The following CERS6 variants were observed in gnomAD, a reference collection of about 807,000 sequenced individuals.
The protein encoded by CERS6 is ceramide synthase 6, also known as LAG1 homolog, ceramide synthase 6.
Under a neutral mutation model 56.8 loss-of-function variants are expected in CERS6, and 26 were observed. The observed-to-expected ratio is 0.46, with a 90% CI of 0.34 to 0.63. The LOEUF (loss-of-function observed/expected upper bound fraction) is 0.63. Ranked by LOEUF, CERS6 falls within the 30% of genes least tolerant of loss-of-function variation. CERS6 has a pLI of 0.01. For missense variants in CERS6, 415 were observed against 467.5 expected (o/e 0.89, Z 1.04); for synonymous variants, 164 against 173.3 (o/e 0.95, Z 0.42).
chr2:168,665,952 C>CTG (rs58913968), intron 4 of CERS6, among the ~76,000 whole-genome samples: 4,754 of 143,168 alleles, frequency 0.033, 75 homozygotes, highest in African/African-American at 0.054. Context: ...AATTAGTAGA[C>CTG]TGTGTGTGTG....
At chr2:168,682,686 G>T (rs575362043) in intron 4 of CERS6, among the ~76,000 whole-genome samples, 1 of 152,138 alleles carries the variant, frequency 6.6e-6, no homozygotes, top group African/African-American at 2.4e-5. Flanking sequence ...TCACAATGGG[G>T]GGTGGGAGTT....
At chr2:168,496,535 C>T (rs1181811980) in intron 1 of CERS6, among the ~76,000 whole-genome samples, 1 of 152,160 alleles carries the variant, frequency 6.6e-6, no homozygotes, top group Admixed American at 6.6e-5. Context: ...GCACCTGGGA[C>T]ACCCGCACAC....
intron 1 of CERS6, among the ~76,000 whole-genome samples, chr2:168,491,675 A>G (rs1694376701): frequency 6.6e-6 from 1 of 152,100 alleles, no homozygotes; most frequent in Non-Finnish European, 1.5e-5. Flanking sequence ...ATACATGTGC[A>G]GAACGTGTAG....
intron 3 of CERS6, among the ~76,000 whole-genome samples, chr2:168,565,931 A>G (rs1389709021): frequency 6.6e-6 from 1 of 152,222 alleles, no homozygotes; most frequent in African/African-American, 2.4e-5. Flanking sequence ...GGTTGGGATT[A>G]TGCCTTTGGG....
At chr2:168,635,491 G>A (rs1684842304) in intron 4 of CERS6, among the ~76,000 whole-genome samples, 1 of 152,118 alleles carries the variant, frequency 6.6e-6, no homozygotes, top group African/African-American at 2.4e-5. Context: ...CCTTCCTCAA[G>A]TGCTTCTAAG....
intron 4 of CERS6, among the ~76,000 whole-genome samples, chr2:168,674,036 G>A (rs10930335): frequency 0.92 from 139,271 of 152,192 alleles, 63,756 homozygotes; most frequent in East Asian, 0.97. Flanking sequence ...GTCATGATTC[G>A]TACACCGTGA....
intron 4 of CERS6, among the ~76,000 whole-genome samples, chr2:168,654,221 G>C (rs13013426): frequency 0.17 from 26,134 of 152,092 alleles, 2,755 homozygotes; most frequent in South Asian, 0.4. Context: ...TGTCTGTCAT[G>C]AGGGCCTGTG....
intron 1 of CERS6, among the ~76,000 whole-genome samples, chr2:168,499,715 C>T (rs1344246109): frequency 1.3e-5 from 2 of 152,086 alleles, no homozygotes; most frequent in Non-Finnish European, 2.9e-5. Context: ...AATTTCTTGG[C>T]TCAATTTTTG....
chr2:168,725,568 C>A (rs1325159224), intron 8 of CERS6, among the ~76,000 whole-genome samples: 2 of 152,238 alleles, frequency 1.3e-5, no homozygotes, highest in Admixed American at 6.5e-5. Context: ...ATATCAATAT[C>A]TTTTTCAAAT....
intron 1 of CERS6, among the ~76,000 whole-genome samples, chr2:168,472,933 T>G (rs1239296532): frequency 6.6e-6 from 1 of 152,228 alleles, no homozygotes; most frequent in Non-Finnish European, 1.5e-5. Context: ...AATATTGGTT[T>G]GTGACATTGG....
chr2:168,687,398 A>G (rs931543856), intron 4 of CERS6, among the ~76,000 whole-genome samples: 1 of 152,210 alleles, frequency 6.6e-6, no homozygotes, highest in Non-Finnish European at 1.5e-5. Context: ...TACTACTTGC[A>G]AAGTGTGGTC....
intron 1 of CERS6, among the ~76,000 whole-genome samples, chr2:168,504,335 C>T (rs189299756): frequency 6.6e-6 from 1 of 151,856 alleles, no homozygotes; most frequent in East Asian, 1.9e-4. Context: ...TGCACCACTG[C>T]ACTCCAGTCT....
chr2:168,680,630 G>A (rs1686191260), intron 4 of CERS6, among the ~76,000 whole-genome samples: 1 of 137,558 alleles, frequency 7.3e-6, no homozygotes, highest in Non-Finnish European at 1.5e-5. Context: ...ATGATATTAA[G>A]AGGTGGGACC....
intron 8 of CERS6, among the ~76,000 whole-genome samples, chr2:168,741,430 G>A (rs1173725137): frequency 6.6e-6 from 1 of 151,370 alleles, no homozygotes; most frequent in Non-Finnish European, 1.5e-5. Flanking sequence ...TAGAGCAGGG[G>A]TGTCCAATCT....
intron 3 of CERS6, among the ~76,000 whole-genome samples, chr2:168,563,891 C>G (rs1357552337): frequency 2.0e-5 from 3 of 152,164 alleles, no homozygotes; most frequent in African/African-American, 7.2e-5. Flanking sequence ...TTGGGGTGCA[C>G]GGGGGGTTTG....
chr2:168,605,901 C>G (rs1179475157), intron 3 of CERS6, among the ~76,000 whole-genome samples: 2 of 152,190 alleles, frequency 1.3e-5, no homozygotes, highest in Non-Finnish European at 2.9e-5. Flanking sequence ...GGGACAGAGC[C>G]CTCATGGAGA....
At chr2:168,698,099 C>T (rs950522430) in intron 6 of CERS6, among the ~76,000 whole-genome samples, 1 of 151,976 alleles carries the variant, frequency 6.6e-6, no homozygotes, top group Non-Finnish European at 1.5e-5. Context: ...AGTTCAAGAC[C>T]AGCCTGAGCA....
intron 1 of CERS6, among the ~76,000 whole-genome samples, chr2:168,474,638 AT>A (rs143033739): frequency 0.12 from 18,938 of 152,178 alleles, 1,567 homozygotes; most frequent in Middle Eastern, 0.2. Flanking sequence ...ATAACAAGAC[AT>A]TTTGCCACTC....
At chr2:168,724,514 G>C (rs994567848) in intron 8 of CERS6, among the ~76,000 whole-genome samples, 2 of 152,068 alleles carry the variant, frequency 1.3e-5, no homozygotes, top group Non-Finnish European at 2.9e-5. Context: ...TTGAGAGGGC[G>C]CTGATTGGTG....
Sources: gnomAD v4.1 joint callset for allele counts (sites outside exome capture counted in the v4.1 genomes callset) on GRCh38, gnomAD v4.1.1 for gene constraint, MANE v1.5 for transcripts, NCBI Gene and HGNC (gene_info 2026-07-23, HGNC 2026-07-21) for gene names.